Variants in SLC22A11 observed in about 807,000 individuals in gnomAD.
The protein encoded by SLC22A11 is organic anion transporter 4.
In SLC22A11, 42 loss-of-function variants were observed where a neutral mutation model predicts 49.4. The ratio of observed to expected loss-of-function variants is 0.85; its 90% CI spans 0.66 to 1.10. SLC22A11 has a LOEUF of 1.10. Ranked by LOEUF, SLC22A11 falls within the 50% of genes least tolerant of loss-of-function variation. The pLI is 0.00. For missense variants in SLC22A11, 685 were observed against 731.6 expected, an observed-to-expected ratio of 0.94 and a Z score of 0.74; for synonymous variants, 304 against 315.8, an observed-to-expected ratio of 0.96 and a Z score of 0.40.
intron 1 of SLC22A11, among the ~76,000 whole-genome samples, chr11:64,557,431 A>G (rs1197148377): frequency 6.6e-6 from 1 of 152,140 alleles, no homozygotes; most frequent in Non-Finnish European, 1.5e-5. Flanking sequence ...CTCTCCAAAG[A>G]GGATACATTG....
chr11:64,568,446 C>CCTGGCTGGGTTT (rs1319655634), intron 7 of SLC22A11, among the ~76,000 whole-genome samples: 1 of 152,238 alleles, frequency 6.6e-6, no homozygotes, highest in African/African-American at 2.4e-5. Context: ...CTACCCTAGA[C>CCTGGCTGGGTTT]CTGGCTGGGT....
intron 8 of SLC22A11, 141 bp downstream of exon 8, chr11:64,568,919 G>A: frequency 5.8e-6 from 4 of 694,436 alleles, no homozygotes; most frequent in Non-Finnish European, 7.6e-6. Flanking sequence ...TTCCCCTTGA[G>A]AGTCTCGACC....
intron 2 of SLC22A11, among the ~76,000 whole-genome samples, chr11:64,559,488 C>T (rs976268700): frequency 2.6e-5 from 4 of 152,092 alleles, no homozygotes; most frequent in African/African-American, 9.7e-5. Flanking sequence ...CATCCCCCAC[C>T]GCCCCCATTT....
rs1244344198 is a variant in SLC22A11, at chr11:64,562,575, G to A, written c.821+140G>A. 2.2e-6 allele frequency: 2 copies of A among 910,512 alleles called. No homozygotes were observed. Among genetic ancestry groups the A allele is most frequent in the African/African-American group, 3.3e-5 (2 of 59,716 alleles). The allele number at this position is 910,512 out of a possible 1,614,324, so 56.4% of individuals were successfully genotyped here. Reference sequence around the variant, plus strand: ...ATGGCATGAGCGGCACCCTCGCTAGGGAGGGACATTGGTGATTGGCAGTCC... The same window carrying A: ...ATGGCATGAGCGGCACCCTCGCTAGAGAGGGACATTGGTGATTGGCAGTCC... On this transcript the variant is annotated intron_variant, in intron 4 of 9. Coordinates refer to ENST00000301891, the MANE Select transcript of SLC22A11 (RefSeq NM_018484.4). The surrounding 1 kb of genome is among the most constrained non-coding windows in gnomAD (Gnocchi z 4.4).
At position 64,564,283 on chromosome 11, in the gene SLC22A11, C is replaced by A. The variant is rs1752419781; in HGVS notation, c.822-25C>A. ...CGGGGGAGAGCCCAGCGTGCACTCC[C>A]AGCTACACACCTGCCTCCTTACAGG... On this transcript the variant is annotated intron_variant, in intron 4 of 9. Coordinates refer to ENST00000301891, the MANE Select transcript of SLC22A11 (RefSeq NM_018484.4). The surrounding 1 kb of genome is among the most constrained non-coding windows in gnomAD (Gnocchi z 4.2). 6.2e-7 allele frequency: 1 copy of A among 1,613,510 alleles called. No homozygotes were observed. Among genetic ancestry groups the A allele is most frequent in the Non-Finnish European group, 8.5e-7 (1 of 1,179,778 alleles).
rs867218403 is a variant in SLC22A11, at chr11:64,562,147, C to T, written c.641C>T (p.Ser214Leu). The change falls in exon 3 of 10, where the codon TCA becomes TTA. Residue 214 changes from serine to leucine, a missense_variant. Transcript: ENST00000301891. This position sits in a 1 kb window ranked among gnomAD's most constrained non-coding sequence, Gnocchi z 4.4. ...GGGATGGCCGGCATCTTTCTGAGTT[C>T]ACTGACACTGAGTGAGTCCCCGGCT... Reference protein sequence around the residue: ...AFGMAGIFLSSLTLMVEWTTT... With the variant: ...AFGMAGIFLSLLTLMVEWTTT... 2 of 1,613,524 alleles carry T rather than the reference C, an allele frequency of 1.2e-6. No homozygotes were observed. The highest frequency in any genetic ancestry group is 2.7e-5 in the African/African-American group (2 of 74,942).
rs1257301993 is a variant in SLC22A11 at position 64,564,209 on chromosome 11, C to T, written c.822-99C>T. 4.1e-6 allele frequency: 6 copies of T among 1,454,160 alleles called. No homozygotes were observed. Among genetic ancestry groups the T allele is most frequent in the Middle Eastern group, 1.9e-4 (1 of 5,338 alleles). 90.1% of individuals were successfully genotyped at this position (1,454,160 alleles called of 1,614,324 possible). On this transcript the variant is annotated intron_variant, in intron 4 of 9. Coordinates refer to ENST00000301891, the MANE Select transcript of SLC22A11 (RefSeq NM_018484.4). This position sits in a 1 kb window ranked among gnomAD's most constrained non-coding sequence, Gnocchi z 4.2. ...CACAGAAGCATGTGCTTCCTCATCA[C>T]TCATCTCAGCTGGAGGGTCCGTGCC...
chr11:64,568,830 G>A lies in SLC22A11; in HGVS notation c.1382+52G>A, dbSNP rs768645566. On this transcript the variant is annotated intron_variant, in intron 8 of 9. Transcript: ENST00000301891. ...AGGGCCAGCAGGGCCGTCCTGAGAG[G>A]GCGGTGGGAAGGGAAAGAAGGGTCT... 5.9e-6 allele frequency: 9 copies of A among 1,524,630 alleles called. No individual in the cohort carries two copies. The South Asian group carries it at 8.9e-5, about 15-fold the overall frequency. The allele number at this position is 1,524,630 out of a possible 1,614,324, so 94.4% of individuals were successfully genotyped here.
At chr11:64,563,352 C>T (rs921064647) in intron 4 of SLC22A11, among the ~76,000 whole-genome samples, 10 of 151,872 alleles carry the variant, frequency 6.6e-5, no homozygotes, top group African/African-American at 1.2e-4. Context: ...GGTCACTCAC[C>T]CAAGGTCACA....
At position 64,556,050 on chromosome 11, in the gene SLC22A11, G is replaced by A; in HGVS notation, c.51G>A (p.Gln17=). 1 of 1,613,668 alleles carries A rather than the reference G, an allele frequency of 6.2e-7. No homozygotes were observed. Among genetic ancestry groups the A allele is most frequent in the Admixed American group, 1.7e-5 (1 of 60,028 alleles). The stretch of plus-strand genomic sequence containing the variant: ...AAGCCGGAGGCGTGGGCCTCTTCCA[G>A]ACCCTGCAGGTGCTCACCTTCATCC... ...LEQAGGVGLF[Q]TLQVLTFILP... The change falls in exon 1 of 10, where the codon CAG becomes CAA. Residue 17 remains glutamine (Q), a synonymous_variant. Coordinates refer to ENST00000301891, the MANE Select transcript of SLC22A11 (RefSeq NM_018484.4).
At chr11:64,570,822 A>G (rs1184580026) in intron 9 of SLC22A11, among the ~76,000 whole-genome samples, 157 bp from the exon 10 acceptor site, 2 of 152,110 alleles carry the variant, frequency 1.3e-5, no homozygotes, top group Non-Finnish European at 2.9e-5. Flanking sequence ...TGTACCTACT[A>G]TGTTTCAGGC....
intron 9 of SLC22A11, 92 bp from the exon 10 acceptor site, chr11:64,570,887 C>A: frequency 8.2e-7 from 1 of 1,221,544 alleles, no homozygotes; most frequent in Non-Finnish European, 1.2e-6. Flanking sequence ...ATAGAGTTTA[C>A]CCCCCAATAA....
intron 1 of SLC22A11, among the ~76,000 whole-genome samples, chr11:64,558,125 A>C (rs901885815): frequency 3.9e-5 from 6 of 152,052 alleles, no homozygotes; most frequent in African/African-American, 1.4e-4. Flanking sequence ...AGTAGATATG[A>C]GGTCTGACTA....
Position 64,569,856 on chromosome 11 carries a change from C to G in SLC22A11, c.1587C>G (p.Ser529Arg). ...CTGACACTATCCAGGACCTGGAGAG[C>G]CAGTGAGTGACCTGTGATCCCTGGG... ...PLPDTIQDLE[S>R]QKSTAAQGNR... The change falls in exon 9 of 10, where the codon AGC becomes AGG. Residue 529 changes from serine (S) to arginine (R), a missense_variant and splice_region_variant. Transcript: ENST00000301891. The G allele has an allele frequency of 6.2e-7, 1 of 1,612,394 alleles. No homozygotes were observed. Among genetic ancestry groups the G allele is most frequent in the Non-Finnish European group, 8.5e-7 (1 of 1,179,974 alleles).
chr11:64,568,548 C>G, intron 7 of SLC22A11, 122 bp from the exon 8 acceptor site: 1 of 784,492 alleles, frequency 1.3e-6, no homozygotes, highest in Non-Finnish European at 2.2e-6. Flanking sequence ...ACCAAGCCAG[C>G]AGGGCCGGGG....
In SLC22A11 at chr11:64,572,743, C is replaced by T. The variant is rs907218107; in HGVS notation, c.*1701C>T. ...CTCCAGTGGCTCACAATAAGGATCA[C>T]ACTTCTCCCCCTGCCTGGTCAGGCA... On this transcript the variant is annotated 3_prime_UTR_variant, in exon 10 of 10. Coordinates refer to ENST00000301891, the MANE Select transcript of SLC22A11 (RefSeq NM_018484.4). 1 of 152,236 alleles carries T rather than the reference C, an allele frequency of 6.6e-6. No homozygotes were observed. The highest frequency in any genetic ancestry group is 2.4e-5 in the African/African-American group (1 of 41,452). The allele number at this position is 152,236 out of a possible 1,614,324, so 9.4% of individuals were successfully genotyped here.
At position 64,562,570 on chromosome 11, in the gene SLC22A11, G is replaced by C. The variant is rs1342337550; in HGVS notation, c.821+135G>C. 3 of 928,476 alleles carry C rather than the reference G, an allele frequency of 3.2e-6. No homozygotes were observed. The highest frequency in any genetic ancestry group is 4.7e-6 in the Non-Finnish European group (3 of 642,704). The allele number at this position is 928,476 out of a possible 1,614,324, so 57.5% of individuals were successfully genotyped here. The stretch of plus-strand genomic sequence containing the variant: ...GGGCCATGGCATGAGCGGCACCCTC[G>C]CTAGGGAGGGACATTGGTGATTGGC... On this transcript the variant is annotated intron_variant, in intron 4 of 9. Transcript: ENST00000301891. This position sits in a 1 kb window ranked among gnomAD's most constrained non-coding sequence, Gnocchi z 4.4.
chr11:64,568,551 G>C, intron 7 of SLC22A11, 119 bp from the exon 8 acceptor site: 1 of 803,412 alleles, frequency 1.2e-6, no homozygotes, highest in Non-Finnish European at 2.1e-6. Flanking sequence ...AAGCCAGCAG[G>C]GCCGGGGACT....
chr11:64,559,103 C>G lies in SLC22A11; in HGVS notation c.394-32C>G, dbSNP rs529627205. The G allele has an allele frequency of 5.0e-6, 8 of 1,592,328 alleles. No individual in the cohort carries two copies. In the South Asian group the frequency reaches 8.8e-5, roughly 18 times the overall value. On this transcript the variant is annotated intron_variant, in intron 1 of 9. Transcript: ENST00000301891. ...GCCCAGCCCTGTGATTTCATACCCCCCGAGCTGAGCCACTGCACCCTCCTC... is the reference window on the plus strand; with the variant it reads ...GCCCAGCCCTGTGATTTCATACCCCGCGAGCTGAGCCACTGCACCCTCCTC...
Sources: gnomAD v4.1 joint callset for allele counts (sites outside exome capture counted in the v4.1 genomes callset) on GRCh38, gnomAD v4.1.1 for gene constraint, Gnocchi (gnomAD v3.1) non-coding constraint, MANE v1.5 for transcripts, NCBI Gene and HGNC (gene_info 2026-07-23, HGNC 2026-07-21) for gene names.